PTPRD: variants seen among roughly 807,000 people sequenced by gnomAD.
The protein encoded by PTPRD is protein tyrosine phosphatase receptor type D, also known as receptor-type tyrosine-protein phosphatase delta.
Under a neutral mutation model 214.5 loss-of-function variants are expected in PTPRD, and 34 were observed. The observed-to-expected ratio is 0.16, with a 90% CI of 0.12 to 0.21. The LOEUF is 0.21. Ranked by LOEUF, PTPRD falls within the 10% of genes least tolerant of loss-of-function variation. The pLI is 1.00. For missense variants in PTPRD, 2,545 were observed against 2,398.7 expected, an observed-to-expected ratio of 1.06 and a Z score of -1.27; for synonymous variants, 1,128 against 845.7, an observed-to-expected ratio of 1.33 and a Z score of -5.79.
intron 2 of PTPRD, among the ~76,000 whole-genome samples, chr9:10,409,319 G>T (rs1218852456): frequency 6.6e-6 from 1 of 151,684 alleles, no homozygotes; most frequent in Non-Finnish European, 1.5e-5. Flanking sequence ...ATAAAGTTGT[G>T]TAACTAATGG....
intron 8 of PTPRD, among the ~76,000 whole-genome samples, chr9:9,433,877 G>A (rs1011295702): frequency 1.3e-5 from 2 of 152,138 alleles, no homozygotes; most frequent in African/African-American, 4.8e-5. Context: ...AGACAGATCT[G>A]CAACATTCCT....
At chr9:10,503,213 A>AC (rs1282668209) in intron 2 of PTPRD, among the ~76,000 whole-genome samples, 1 of 149,480 alleles carries the variant, frequency 6.7e-6, no homozygotes, top group African/African-American at 2.5e-5. Flanking sequence ...AAAAACAAAA[A>AC]AAAACACCAT....
chr9:10,149,261 A>T (rs1267483458), intron 3 of PTPRD, among the ~76,000 whole-genome samples: 1 of 152,192 alleles, frequency 6.6e-6, no homozygotes, highest in East Asian at 1.9e-4. Flanking sequence ...ATTTTTACTA[A>T]AACATAACAT....
At chr9:9,055,142 T>G (rs896988556) in intron 10 of PTPRD, among the ~76,000 whole-genome samples, 26 of 152,152 alleles carry the variant, frequency 1.7e-4, no homozygotes, top group African/African-American at 6.3e-4. Flanking sequence ...ATTTTCTAGA[T>G]GTAAACCTAG....
At chr9:10,231,858 G>A (rs2099611231) in intron 3 of PTPRD, among the ~76,000 whole-genome samples, 2 of 151,880 alleles carry the variant, frequency 1.3e-5, no homozygotes, top group African/African-American at 4.8e-5. Context: ...GCAGCACCCT[G>A]TAGAGGTGGA....
chr9:9,156,230 A>G (rs1420823657), intron 10 of PTPRD, among the ~76,000 whole-genome samples: 3 of 152,126 alleles, frequency 2.0e-5, no homozygotes, highest in East Asian at 1.9e-4. Context: ...CCATGAATAT[A>G]TTTTCAAGCT....
intron 5 of PTPRD, among the ~76,000 whole-genome samples, chr9:9,933,935 T>C (rs1255586631): frequency 1.1e-4 from 15 of 142,532 alleles, no homozygotes; most frequent in South Asian, 2.3e-4. Flanking sequence ...CACTCAAAGC[T>C]GCTCAACTAC....
chr9:10,228,752 ACAT>A (rs902052307), intron 3 of PTPRD, among the ~76,000 whole-genome samples: 72 of 149,394 alleles, frequency 4.8e-4, no homozygotes, highest in Non-Finnish European at 7.6e-4. Context: ...ATAATATATA[ACAT>A]CATTTCATAT....
At chr9:10,418,640 A>G (rs2098517517) in intron 2 of PTPRD, among the ~76,000 whole-genome samples, 1 of 151,872 alleles carries the variant, frequency 6.6e-6, no homozygotes, top group African/African-American at 2.4e-5. Flanking sequence ...ATATTCAGCA[A>G]TATAATAACA....
At chr9:9,681,239 G>C (rs1164137358) in intron 7 of PTPRD, among the ~76,000 whole-genome samples, 1 of 151,768 alleles carries the variant, frequency 6.6e-6, no homozygotes, top group Non-Finnish European at 1.5e-5. Flanking sequence ...TCTTCCTGAA[G>C]TGTAAGTGTA....
chr9:8,412,540 G>A (rs2093613298), intron 35 of PTPRD, among the ~76,000 whole-genome samples: 1 of 152,130 alleles, frequency 6.6e-6, no homozygotes, highest in Non-Finnish European at 1.5e-5. Context: ...TGACACATCT[G>A]TATAGATCCC....
At chr9:9,089,625 C>T (rs2099772626) in intron 10 of PTPRD, among the ~76,000 whole-genome samples, 2 of 152,162 alleles carry the variant, frequency 1.3e-5, no homozygotes, top group South Asian at 4.1e-4. Flanking sequence ...TCCTCTATTT[C>T]TTCTAAATAA....
intron 7 of PTPRD, among the ~76,000 whole-genome samples, chr9:9,691,948 T>G (rs2097279605): frequency 6.6e-6 from 1 of 152,068 alleles, no homozygotes; most frequent in South Asian, 2.1e-4. Flanking sequence ...ATTGAAATAT[T>G]TTGCCCATTT....
intron 27 of PTPRD, 79 bp from the exon 28 acceptor site, chr9:8,486,428 C>G (rs758231868): frequency 8.3e-7 from 1 of 1,202,142 alleles, no homozygotes; most frequent in South Asian, 1.2e-5. Flanking sequence ...GAGGGAGTTC[C>G]ACTCTACTGG....
intron 2 of PTPRD, among the ~76,000 whole-genome samples, chr9:10,597,879 C>A (rs1415004403): frequency 2.6e-5 from 4 of 151,790 alleles, no homozygotes; most frequent in Non-Finnish European, 4.4e-5. Flanking sequence ...AACATTGAGT[C>A]TTTCCAGGTG....
intron 10 of PTPRD, among the ~76,000 whole-genome samples, chr9:9,084,967 G>T (rs1409127140): frequency 1.3e-5 from 2 of 152,058 alleles, no homozygotes; most frequent in Admixed American, 6.6e-5. Context: ...CACAGACAGG[G>T]AAAGATTATT....
intron 12 of PTPRD, among the ~76,000 whole-genome samples, chr9:8,651,007 G>C (rs1436415866): frequency 6.6e-6 from 1 of 151,808 alleles, no homozygotes. Flanking sequence ...ACATTTTGTA[G>C]GATATTAAAA....
At chr9:10,594,012 T>A (rs933562029) in intron 2 of PTPRD, among the ~76,000 whole-genome samples, 1 of 151,950 alleles carries the variant, frequency 6.6e-6, no homozygotes, top group South Asian at 2.1e-4. Context: ...ACGGGAAGTA[T>A]TGAAATTTTT....
intron 3 of PTPRD, among the ~76,000 whole-genome samples, chr9:10,147,577 G>A (rs2099031911): frequency 6.6e-6 from 1 of 152,042 alleles, no homozygotes; most frequent in African/African-American, 2.4e-5. Flanking sequence ...GAGTTATAGA[G>A]ATGCAAAAGC....
Sources: gnomAD v4.1 joint callset for allele counts (sites outside exome capture counted in the v4.1 genomes callset) on GRCh38, gnomAD v4.1.1 for gene constraint, MANE v1.5 for transcripts, NCBI Gene and HGNC (gene_info 2026-07-23, HGNC 2026-07-21) for gene names.